Variants in MTHFD1L observed in about 807,000 individuals in gnomAD.
MTHFD1L encodes the protein monofunctional C1-tetrahydrofolate synthase, mitochondrial.
Under a neutral mutation model 119.5 loss-of-function variants are expected in MTHFD1L, and 81 were observed. The observed-to-expected ratio is 0.68, with a 90% confidence interval of 0.57 to 0.82. The LOEUF (loss-of-function observed/expected upper bound fraction) is 0.82, where lower values mean the gene tolerates loss of function less well. Ranked by LOEUF, MTHFD1L falls within the 40% of genes least tolerant of loss-of-function variation. The pLI is 0.00. For synonymous variants in MTHFD1L, 430 were observed against 475.2 expected (o/e 0.90, Z 1.24); for missense variants, 1,125 against 1,253.4 (o/e 0.90, Z 1.55).
chr6:151,046,505 A>G lies in MTHFD1L; in HGVS notation c.2847+9388A>G, dbSNP rs1372355555. ...TATATATATATATATATATATATAT[A>G]TATATATATAGACTCATTTTTCTTC... On this transcript the variant is annotated intron_variant, in intron 26 of 27. Coordinates refer to ENST00000367321, the MANE Select transcript of MTHFD1L (RefSeq NM_015440.5). Among the ~76,000 whole-genome samples, 6 of 117,748 alleles carry G rather than the reference A, an allele frequency of 5.1e-5. No homozygotes were observed. The Admixed American group carries it at 5.3e-4, about 10-fold the overall frequency. 77.2% of individuals were successfully genotyped at this position (117,748 alleles called of 152,430 possible).
intron 19 of MTHFD1L, among the ~76,000 whole-genome samples, chr6:150,966,437 C>T (rs1430178786): frequency 6.6e-6 from 1 of 152,180 alleles, no homozygotes; most frequent in Non-Finnish European, 1.5e-5. Flanking sequence ...TCACCTCTCC[C>T]CAGGCCCCTC....
intron 7 of MTHFD1L, among the ~76,000 whole-genome samples, chr6:150,896,564 G>A (rs1290484275): frequency 6.6e-6 from 1 of 152,188 alleles, no homozygotes; most frequent in Non-Finnish European, 1.5e-5. Flanking sequence ...CATCAGTAGT[G>A]TGGAATTAAG....
intron 26 of MTHFD1L, among the ~76,000 whole-genome samples, chr6:151,089,670 A>C (rs542903858): frequency 6.6e-6 from 1 of 152,360 alleles, no homozygotes; most frequent in African/African-American, 2.4e-5. Context: ...GTTAGGCAGG[A>C]AAATTACCTG....
rs144622007 is a variant in MTHFD1L, at chr6:150,936,870, C to T, written c.1323C>T (p.Thr441=). Residue 441 remains threonine, a synonymous_variant, in exon 12 of 28, where the codon ACC becomes ACT. Coordinates refer to ENST00000367321, the MANE Select transcript of MTHFD1L (RefSeq NM_015440.5). ...TVTIGLVQAL[T]AHLNVNSFAC... is the part of the protein sequence containing the mutation. ...CCATCGGGCTTGTGCAGGCTCTGAC[C>T]GCACACCTGAATGTCAACTCCTTTG... 4 of 1,613,918 alleles carry T rather than the reference C, an allele frequency of 2.5e-6. No homozygotes were observed. The highest frequency in any genetic ancestry group is 1.3e-5 in the African/African-American group (1 of 74,920).
chr6:150,959,162 ATTTT>A, intron 17 of MTHFD1L: 1 of 981,928 alleles, frequency 1.0e-6, no homozygotes, highest in Non-Finnish European at 1.2e-6. Flanking sequence ...TTCAGGTAAT[ATTTT>A]TTCACTAAAT....
chr6:150,886,196 G>T (rs570954048), intron 6 of MTHFD1L, among the ~76,000 whole-genome samples: 2 of 152,140 alleles, frequency 1.3e-5, no homozygotes, highest in Non-Finnish European at 2.9e-5. Flanking sequence ...GCTAGGCGAG[G>T]CCAAGGCCAG....
intron 20 of MTHFD1L, among the ~76,000 whole-genome samples, chr6:151,003,487 G>A (rs1025514504): frequency 1.7e-4 from 26 of 152,034 alleles, no homozygotes; most frequent in Non-Finnish European, 2.6e-4. Context: ...AGCCGAGATC[G>A]CACCATTGCA....
At chr6:150,988,425 G>A (rs1020242587) in intron 20 of MTHFD1L, among the ~76,000 whole-genome samples, 9 of 152,106 alleles carry the variant, frequency 5.9e-5, no homozygotes, top group East Asian at 1.9e-4. Context: ...TTTTAGCAAC[G>A]TTTGGTATAA....
chr6:150,922,162 CT>C, intron 9 of MTHFD1L, 42 bp from the exon 10 acceptor site: 1 of 1,450,468 alleles, frequency 6.9e-7, no homozygotes, highest in Non-Finnish European at 9.7e-7. Flanking sequence ...GCCCTGTCAG[CT>C]TTTACCATTC....
At chr6:150,953,901 G>A (rs186015845) in intron 16 of MTHFD1L, among the ~76,000 whole-genome samples, 4 of 152,282 alleles carry the variant, frequency 2.6e-5, no homozygotes, top group Non-Finnish European at 4.4e-5. Context: ...AAGAACAGTG[G>A]TGGCTGAGGA....
intron 20 of MTHFD1L, among the ~76,000 whole-genome samples, chr6:150,979,738 G>A (rs1346647951): frequency 1.3e-5 from 2 of 151,978 alleles, no homozygotes; most frequent in Non-Finnish European, 2.9e-5. Context: ...GACCTCAGGC[G>A]ATCCACTCAC....
chr6:150,956,021 C>G lies in MTHFD1L; in HGVS notation c.1753C>G (p.Arg585Gly). The change falls in exon 17 of 28, where the codon CGA becomes GGA. Residue 585 changes from arginine to glycine, a missense_variant. Physicochemically the swap from Arg to Gly is moderately radical, Grantham distance 125 (BLOSUM62 -2). This residue lies in a region of MTHFD1L where 1,058 missense variants were observed against 1,151.2 expected (regional missense o/e 0.92). Coordinates refer to ENST00000367321, the MANE Select transcript of MTHFD1L (RefSeq NM_015440.5). ...ATTGGATACAAATGACCGATTTCTACGAAAAATAACCATCGGGCAGGGAAA... is the reference window on the plus strand; with the variant it reads ...ATTGGATACAAATGACCGATTTCTAGGAAAAATAACCATCGGGCAGGGAAA... The part of the protein sequence containing the change: ...RVLDTNDRFL[R>G]KITIGQGNTE... The G allele has an allele frequency of 6.2e-7, 1 of 1,614,050 alleles. No homozygotes were observed. Among genetic ancestry groups the G allele is most frequent in the African/African-American group, 1.3e-5 (1 of 75,024 alleles).
In MTHFD1L at chr6:150,925,929, A is replaced by G. The variant is rs533902487; in HGVS notation, c.1083-193A>G. 5.3e-5 allele frequency among the ~76,000 whole-genome samples: 8 copies of G among 152,216 alleles called. No individual in the cohort carries two copies. In the East Asian group the frequency reaches 1.4e-3, roughly 26 times the overall value. ...ATCTTTGTGAGTTTTTTGGAGTTGC[A>G]TTTCTAAAATGATACACCATTTTCT... is the stretch of plus-strand genomic sequence containing the variant. On this transcript the variant is annotated intron_variant, in intron 10 of 27. Transcript: ENST00000367321.
chr6:150,945,480 G>A lies in MTHFD1L; in HGVS notation c.1562G>A (p.Arg521Gln), dbSNP rs149625114. Reference protein sequence around the residue: ...NTQTDKALYNRLVPLVNGVRE... With the variant: ...NTQTDKALYNQLVPLVNGVRE... ...TTGTGTTTTTAGGCTCTGTATAATC[G>A]GCTGGTTCCTTTAGTGAATGGTGTC... The change falls in exon 15 of 28, where the codon CGG (arginine) becomes CAG (glutamine). Residue 521 changes from arginine (R) to glutamine (Q), a missense_variant. Arg to Gln is a conservative substitution (Grantham distance 43). This residue lies in a region of MTHFD1L where 1,058 missense variants were observed against 1,151.2 expected (regional missense o/e 0.92). Coordinates refer to ENST00000367321, the MANE Select transcript of MTHFD1L (RefSeq NM_015440.5). The A allele has an allele frequency of 2.9e-5, 47 of 1,613,444 alleles. No individual in the cohort carries two copies. The highest frequency in any genetic ancestry group is 3.6e-5 in the Non-Finnish European group (42 of 1,179,854).
intron 7 of MTHFD1L, among the ~76,000 whole-genome samples, chr6:150,890,640 C>T (rs1783094250): frequency 6.6e-6 from 1 of 152,192 alleles, no homozygotes; most frequent in Non-Finnish European, 1.5e-5. Flanking sequence ...AACTTCAGCT[C>T]TTGCCTCCTC....
At chr6:151,033,005 C>T in intron 24 of MTHFD1L, among the ~76,000 whole-genome samples, 1 of 152,172 alleles carries the variant, frequency 6.6e-6, no homozygotes, top group East Asian at 1.9e-4. Context: ...AAGCAAAGTC[C>T]TTGAGGCACA....
intron 26 of MTHFD1L, among the ~76,000 whole-genome samples, chr6:151,070,000 C>CT (rs1022139301): frequency 2.0e-5 from 3 of 151,920 alleles, no homozygotes; most frequent in African/African-American, 7.3e-5. Flanking sequence ...GGCAAGGTGT[C>CT]TTTTTTTTAA....
At chr6:151,068,073 A>G (rs550097182) in intron 26 of MTHFD1L, among the ~76,000 whole-genome samples, 1 of 152,392 alleles carries the variant, frequency 6.6e-6, no homozygotes, top group South Asian at 2.1e-4. Flanking sequence ...AGTAATGCCA[A>G]ACAAATAACA....
chr6:151,069,366 G>T (rs1791710346), intron 26 of MTHFD1L, among the ~76,000 whole-genome samples: 1 of 151,024 alleles, frequency 6.6e-6, no homozygotes, highest in African/African-American at 2.4e-5. Context: ...AACAAGTGAG[G>T]TACCCCCTTG....
Sources: gnomAD v4.1 joint callset for allele counts (sites outside exome capture counted in the v4.1 genomes callset) on GRCh38, gnomAD v4.1.1 for gene constraint, gnomAD v4.1.1 regional missense constraint, MANE v1.5 for transcripts, NCBI Gene and HGNC (gene_info 2026-07-23, HGNC 2026-07-21) for gene names.